SMIM23: variants seen among roughly 807,000 people sequenced by gnomAD.
The protein encoded by SMIM23 is small integral membrane protein 23, also known as CTB-78H18.1.
SMIM23 carries 10 observed loss-of-function variants against 12.8 expected under a neutral mutation model. The ratio of observed to expected loss-of-function variants is 0.78; its 90% CI spans 0.48 to 1.32. SMIM23 has a LOEUF of 1.32. Ranked by LOEUF, SMIM23 falls within the 40% of genes most tolerant of loss-of-function variation. The pLI, the probability that SMIM23 is intolerant of heterozygous loss-of-function variation, is 0.00. For synonymous variants in SMIM23, 78 were observed against 80.1 expected, an observed-to-expected ratio of 0.97 and a Z score of 0.14; for missense variants, 184 against 198.2, an observed-to-expected ratio of 0.93 and a Z score of 0.43.
intron 1 of SMIM23, among the ~76,000 whole-genome samples, chr5:171,787,999 G>T (rs980792437): frequency 1.3e-5 from 2 of 151,636 alleles, no homozygotes; most frequent in African/African-American, 4.9e-5. Context: ...CTGGGGAAGA[G>T]GCAAGTTAGA....
rs147696588 is a variant in SMIM23, at chr5:171,785,862, A to C, written c.-10A>C. The C allele has an allele frequency of 7.0e-5, 108 of 1,535,526 alleles. No individual in the cohort carries two copies. The highest frequency in any genetic ancestry group is 5.0e-4 in the Middle Eastern group (3 of 5,988). ...GAGTGTGGTCCACCCAGGCAGCCAGATCTGAGGCCATGGCAACCCAGCAAG... is the reference window on the plus strand; with the variant it reads ...GAGTGTGGTCCACCCAGGCAGCCAGCTCTGAGGCCATGGCAACCCAGCAAG... On this transcript the variant is annotated 5_prime_UTR_variant, in exon 1 of 4. Coordinates refer to ENST00000523047, the MANE Select transcript of SMIM23 (RefSeq NM_001289970.2).
upstream of SMIM23, among the ~76,000 whole-genome samples, chr5:171,781,546 CGT>C (rs879448722): frequency 0.066 from 10,021 of 151,088 alleles, 838 homozygotes; most frequent in African/African-American, 0.19. Flanking sequence ...TGCCCCCCCC[CGT>C]CTCTAGAGCT....
At position 171,790,852 on chromosome 5, in the gene SMIM23, T is replaced by C; in HGVS notation, c.283T>C (p.Trp95Arg). 2 of 1,536,014 alleles carry C rather than the reference T, an allele frequency of 1.3e-6. No homozygotes were observed. Among genetic ancestry groups the C allele is most frequent in the South Asian group, 1.2e-5 (1 of 84,040 alleles). Residue 95 changes from tryptophan (W) to arginine (R), a missense_variant, in exon 4 of 4, where the codon TGG becomes CGG. Transcript: ENST00000523047. ...AGAACCGATAAAGACCATCAGGAAC[T>C]GGCTGAAGGAGAAGTTGCATGTCTT... ...SEEPIKTIRN[W>R]LKEKLHVFSE...
In SMIM23 at chr5:171,790,881, G is replaced by C. The variant is rs575616528; in HGVS notation, c.312G>C (p.Ser104=). 124 of 1,536,156 alleles carry C rather than the reference G, an allele frequency of 8.1e-5. 1 individual carries two copies. In the African/African-American group the frequency reaches 1.5e-3, roughly 19 times the overall value. ...TGAAGGAGAAGTTGCATGTCTTCTC[G>C]GAGAAGTTAGAGGAAGAGGTGCAGC... ...NWLKEKLHVF[S]EKLEEEVQQL... is the part of the protein sequence containing the mutation. The change falls in exon 4 of 4, where the codon TCG becomes TCC. Residue 104 remains serine (S), a synonymous_variant. Transcript: ENST00000523047.
intron 1 of SMIM23, among the ~76,000 whole-genome samples, chr5:171,788,878 C>T (rs1287155408): frequency 6.6e-6 from 1 of 152,230 alleles, no homozygotes; most frequent in Non-Finnish European, 1.5e-5. Context: ...CTTGCTCTGT[C>T]ACCCAGACTG....
chr5:171,774,665 C>T, the SMIM23 span: 6 of 452,222 alleles, frequency 1.3e-5, no homozygotes, highest in Middle Eastern at 3.3e-4. Flanking sequence ...CAAGGCTCGC[C>T]CACAAATCCC....
intron 1 of SMIM23, 41 bp from the exon 2 acceptor site, chr5:171,790,189 A>G: frequency 6.5e-7 from 1 of 1,531,148 alleles, no homozygotes. Flanking sequence ...GAGAGAATTC[A>G]TCCTCATGTT....
At chr5:171,781,936 G>C (rs1369205827), upstream of SMIM23, among the ~76,000 whole-genome samples, 1 of 152,190 alleles carries the variant, frequency 6.6e-6, no homozygotes, top group African/African-American at 2.4e-5. Context: ...CTAGTTAAAA[G>C]ATGTAAATGG....
At chr5:171,783,452 C>A (rs978525855), upstream of SMIM23, among the ~76,000 whole-genome samples, 1 of 152,176 alleles carries the variant, frequency 6.6e-6, no homozygotes, top group Admixed American at 6.5e-5. Flanking sequence ...GGGACAGATA[C>A]ATAGATCAAT....
chr5:171,782,091 A>G (rs1160653841), upstream of SMIM23, among the ~76,000 whole-genome samples: 2 of 152,326 alleles, frequency 1.3e-5, no homozygotes, highest in East Asian at 3.9e-4. Flanking sequence ...TTCGCTCTTC[A>G]CAGTAAATCT....
the SMIM23 span, among the ~76,000 whole-genome samples, chr5:171,773,199 C>T: frequency 6.6e-6 from 1 of 152,182 alleles, no homozygotes; most frequent in South Asian, 2.1e-4. Context: ...TCTCTTGAGT[C>T]CGACTTTCCT....
upstream of SMIM23, among the ~76,000 whole-genome samples, chr5:171,781,399 T>C (rs1202343337): frequency 6.6e-6 from 1 of 152,160 alleles, no homozygotes; most frequent in African/African-American, 2.4e-5. Context: ...GTGGGGCAGC[T>C]AGCCTTCCCC....
intron 1 of SMIM23, 128 bp downstream of exon 1, chr5:171,786,104 T>G: frequency 2.7e-6 from 2 of 730,762 alleles, no homozygotes; most frequent in Non-Finnish European, 4.6e-6. Flanking sequence ...CCCACTCTGA[T>G]GGAGCACAGT....
chr5:171,782,414 G>T (rs1008478746), upstream of SMIM23: 5 of 152,222 alleles, frequency 3.3e-5, no homozygotes, highest in Admixed American at 1.3e-4. Flanking sequence ...CTAAGGCAGG[G>T]TATGTGCCAC....
At chr5:171,773,086 G>A in the SMIM23 span, among the ~76,000 whole-genome samples, 1 of 152,312 alleles carries the variant, frequency 6.6e-6, no homozygotes, top group South Asian at 2.1e-4. Context: ...GCTGGCCCAG[G>A]GAGTATGTGG....
chr5:171,789,930 T>G (rs1415314699), intron 1 of SMIM23, among the ~76,000 whole-genome samples: 1 of 152,226 alleles, frequency 6.6e-6, no homozygotes, highest in African/African-American at 2.4e-5. Flanking sequence ...ATGTGTGCGT[T>G]TTATTATATG....
At chr5:171,775,909 G>A in the SMIM23 span, among the ~76,000 whole-genome samples, 1 of 152,046 alleles carries the variant, frequency 6.6e-6, no homozygotes, top group African/African-American at 2.4e-5. Flanking sequence ...TTTCACTCTT[G>A]TTGCCCAGGC....
chr5:171,780,284 C>G (rs144010873), upstream of SMIM23, among the ~76,000 whole-genome samples: 1 of 152,100 alleles, frequency 6.6e-6, no homozygotes, highest in Non-Finnish European at 1.5e-5. Flanking sequence ...CTTCAAAGGC[C>G]TCTCTCTCCT....
Position 171,790,737 on chromosome 5 carries a change from G to A in SMIM23, c.226-58G>A, listed in dbSNP as rs1016841424. 2.6e-6 allele frequency: 4 copies of A among 1,521,632 alleles called. No individual in the cohort carries two copies. In the African/African-American group the frequency reaches 5.5e-5, roughly 21 times the overall value. The allele number at this position is 1,521,632 out of a possible 1,614,324, so 94.3% of individuals were successfully genotyped here. On this transcript the variant is annotated intron_variant, in intron 3 of 3. Transcript: ENST00000523047. ...GGATCTTTTTGAAACCAGTGGGGAT[G>A]GGGAGGAGGGTCCTATCTGAGAAAG...
Sources: gnomAD v4.1 joint callset for allele counts (sites outside exome capture counted in the v4.1 genomes callset) on GRCh38, gnomAD v4.1.1 for gene constraint, MANE v1.5 for transcripts, NCBI Gene and HGNC (gene_info 2026-07-23, HGNC 2026-07-21) for gene names.